The following CPNE5 variants were observed in gnomAD, a reference collection of about 807,000 sequenced individuals.
The protein encoded by CPNE5 is copine 5.
Under a neutral mutation model 81.1 loss-of-function variants are expected in CPNE5, and 42 were observed. The ratio of observed to expected loss-of-function variants is 0.52; its 90% CI spans 0.40 to 0.67. The LOEUF (loss-of-function observed/expected upper bound fraction) is 0.67, where lower values mean the gene tolerates loss of function less well. CPNE5 is among the 30% of genes least tolerant of loss of function. The probability of loss-of-function intolerance (pLI) is 0.00; values close to 1 mark genes in which losing one functional copy is unlikely to be tolerated. For synonymous variants in CPNE5, 313 were observed against 321.5 expected, an observed-to-expected ratio of 0.97 and a Z score of 0.28; for missense variants, 612 against 815.5, an observed-to-expected ratio of 0.75 and a Z score of 3.04.
At chr6:36,768,999 C>A (rs1311042635) in intron 10 of CPNE5, among the ~76,000 whole-genome samples, 1 of 152,224 alleles carries the variant, frequency 6.6e-6, no homozygotes, top group Non-Finnish European at 1.5e-5. Flanking sequence ...GCGCTGGACA[C>A]ATGTTGCTCT....
chr6:36,779,778 G>A lies in CPNE5; in HGVS notation c.529-821C>T, dbSNP rs1239313111. On this transcript the variant is annotated intron_variant, in intron 8 of 20. Transcript: ENST00000244751. ...CCCCTCAGCCCCTCAGCTCTCTGGG[G>A]CCAACGGGGCACTGGGCAGAGATGT... 2.6e-5 allele frequency among the ~76,000 whole-genome samples: 4 copies of A among 152,166 alleles called. No homozygotes were observed. The East Asian group carries it at 7.7e-4, about 29-fold the overall frequency.
rs147754923 is a variant in CPNE5, at chr6:36,822,467, G to T, written c.137-307C>A. ...CTGGAAGGGGCAACCTTTAGGAGAAGGGTCGGCACCATTGCCTTCTAGGCT... is the reference window on the plus strand; with the variant it reads ...CTGGAAGGGGCAACCTTTAGGAGAATGGTCGGCACCATTGCCTTCTAGGCT... On this transcript the variant is annotated intron_variant, in intron 2 of 20. Transcript: ENST00000244751. 3.4e-3 allele frequency among the ~76,000 whole-genome samples: 517 copies of T among 152,292 alleles called. 4 individuals carry two copies. Among genetic ancestry groups the T allele is most frequent in the African/African-American group, 0.01 (431 of 41,552 alleles).
chr6:36,796,933 CAG>C (rs1237786726), intron 6 of CPNE5, among the ~76,000 whole-genome samples: 1 of 152,072 alleles, frequency 6.6e-6, no homozygotes, highest in Non-Finnish European at 1.5e-5. Flanking sequence ...TATTTTGAGA[CAG>C]AGTCTCACTC....
chr6:36,786,727 TATA>T (rs1329785793), intron 8 of CPNE5, among the ~76,000 whole-genome samples: 2 of 152,210 alleles, frequency 1.3e-5, no homozygotes, highest in Non-Finnish European at 2.9e-5. Flanking sequence ...TCTAAAAATG[TATA>T]ATGATACAGG....
At chr6:36,754,232 T>A (rs1765162354) in intron 13 of CPNE5, 1 of 125,968 alleles carries the variant, frequency 7.9e-6, no homozygotes, top group Non-Finnish European at 1.7e-5. Context: ...TTTTTTTTTT[T>A]AGCTCTTCAC....
chr6:36,833,286 T>C (rs1000341536), intron 1 of CPNE5, among the ~76,000 whole-genome samples: 3 of 152,192 alleles, frequency 2.0e-5, no homozygotes, highest in Non-Finnish European at 2.9e-5. Context: ...CTACTATCTA[T>C]CTATCCTAGT....
intron 3 of CPNE5, among the ~76,000 whole-genome samples, chr6:36,821,270 G>T: frequency 6.6e-6 from 1 of 152,010 alleles, no homozygotes; most frequent in Admixed American, 6.6e-5. Context: ...GAGGGGCCCA[G>T]CGTCAGGAGA....
intron 14 of CPNE5, among the ~76,000 whole-genome samples, chr6:36,751,539 C>T (rs918500590): frequency 1.3e-5 from 2 of 152,304 alleles, no homozygotes; most frequent in African/African-American, 4.8e-5. Context: ...CCTGTAATCC[C>T]AGCACTTTGG....
intron 1 of CPNE5, chr6:36,838,826 A>T: frequency 1.2e-6 from 1 of 817,058 alleles, no homozygotes; most frequent in Non-Finnish European, 1.5e-6. Flanking sequence ...GAGGATCAGG[A>T]TGCTGGGGCA....
At chr6:36,743,638 G>C (rs374214006) in intron 20 of CPNE5, 51 bp downstream of exon 20, 36 of 1,560,084 alleles carry the variant, frequency 2.3e-5, no homozygotes, top group Non-Finnish European at 3.0e-5. Flanking sequence ...GGTCCGCCTG[G>C]CTAGAGGGGC....
At chr6:36,759,304 C>T (rs76063794) in intron 12 of CPNE5, among the ~76,000 whole-genome samples, 12,186 of 152,230 alleles carry the variant, frequency 0.08, 546 homozygotes, top group East Asian at 0.17. Context: ...GCCTCAGCCT[C>T]TCCAGCCCCG....
intron 8 of CPNE5, among the ~76,000 whole-genome samples, chr6:36,780,218 C>T (rs1767919529): frequency 6.6e-6 from 1 of 152,214 alleles, no homozygotes; most frequent in Non-Finnish European, 1.5e-5. Flanking sequence ...CCGCCTCAGC[C>T]TCCCAAAGTG....
At position 36,746,450 on chromosome 6, in the gene CPNE5, C is replaced by G. The variant is rs992239525; in HGVS notation, c.1146G>C (p.Leu382=). 1 of 1,613,514 alleles carries G rather than the reference C, an allele frequency of 6.2e-7. No individual in the cohort carries two copies. Among genetic ancestry groups the G allele is most frequent in the Non-Finnish European group, 8.5e-7 (1 of 1,179,688 alleles). The change falls in exon 16 of 21, where the codon CTG becomes CTC. Residue 382 remains leucine, a synonymous_variant. Transcript: ENST00000244751. This position sits in a 1 kb window ranked among gnomAD's most constrained non-coding sequence, Gnocchi z 4.5. ...CCGGGGGCAGCTTGGCCCCGAAGCC[C>G]AGGGCAGGGAACATCTTGTCACTGT... The part of the protein sequence containing the change: ...HYDSDKMFPA[L]GFGAKLPPDG...
chr6:36,773,995 G>C (rs1427336938), intron 10 of CPNE5, among the ~76,000 whole-genome samples: 1 of 151,850 alleles, frequency 6.6e-6, no homozygotes, highest in Non-Finnish European at 1.5e-5. Flanking sequence ...GAGCCCAGGA[G>C]GTGGAAGCTG....
intron 10 of CPNE5, among the ~76,000 whole-genome samples, chr6:36,774,646 G>A (rs1248137550): frequency 6.6e-6 from 1 of 152,228 alleles, no homozygotes; most frequent in Non-Finnish European, 1.5e-5. Flanking sequence ...GGAATCCTGG[G>A]CACTTCCCAT....
At chr6:36,792,333 G>C in intron 7 of CPNE5, 1 of 1,523,448 alleles carries the variant, frequency 6.6e-7, no homozygotes, top group South Asian at 1.2e-5. Flanking sequence ...CTCCCCGAGA[G>C]CCCACCAGGA....
chr6:36,789,857 C>A (rs1194257035), intron 8 of CPNE5, among the ~76,000 whole-genome samples: 2 of 152,204 alleles, frequency 1.3e-5, no homozygotes, highest in Admixed American at 6.5e-5. Context: ...GGGGTTCATT[C>A]CCGCTGTCAA....
intron 3 of CPNE5, among the ~76,000 whole-genome samples, chr6:36,815,958 C>A (rs766017236): frequency 3.3e-5 from 5 of 152,208 alleles, no homozygotes; most frequent in Admixed American, 2.0e-4. Context: ...GAGGGAGGGG[C>A]AGGGATCTCC....
chr6:36,834,324 G>GA (rs144148857), intron 1 of CPNE5, among the ~76,000 whole-genome samples: 32,944 of 121,328 alleles, frequency 0.27, 4,633 homozygotes, highest in South Asian at 0.41. Context: ...AGGAAGGAAA[G>GA]AAAAAAAAAA....
Sources: allele counts gnomAD v4.1 joint callset (sites outside exome capture counted in the v4.1 genomes callset), GRCh38; gene constraint gnomAD v4.1.1; non-coding constraint Gnocchi (gnomAD v3.1); transcripts MANE v1.5; gene names NCBI Gene and HGNC (gene_info 2026-07-23, HGNC 2026-07-21).